KCNK2: variants seen among roughly 807,000 people sequenced by gnomAD.
KCNK2 encodes the protein potassium channel subfamily K member 2.
In KCNK2, 21 loss-of-function variants were observed where a neutral mutation model predicts 40.5. The observed-to-expected ratio is 0.52, with a 90% CI of 0.37 to 0.75. KCNK2 has a LOEUF of 0.75. Among genes scored for constraint, KCNK2 ranks in the 30% least tolerant of loss-of-function variants. KCNK2 has a pLI of 0.00. For missense variants in KCNK2, 399 were observed against 531.6 expected, an observed-to-expected ratio of 0.75 and a Z score of 2.45; for synonymous variants, 191 against 202.2, an observed-to-expected ratio of 0.94 and a Z score of 0.47.
rs563358345 is a variant in KCNK2, at chr1:215,091,701, T to C, written c.357+5023T>C. Among the ~76,000 whole-genome samples, 4 of 152,276 alleles carry C rather than the reference T, an allele frequency of 2.6e-5. No individual in the cohort carries two copies. The South Asian group carries it at 8.3e-4, about 32-fold the overall frequency. On this transcript the variant is annotated intron_variant, in intron 2 of 6. Coordinates refer to ENST00000444842, the MANE Select transcript of KCNK2 (RefSeq NM_001017425.3). ...GAAAAAGTAAAGCAGTGGAGAGGGC[T>C]TGGAAATGTTGGATGGCGTTGGTGA...
chr1:215,156,158 A>T (rs1048585945), intron 3 of KCNK2, among the ~76,000 whole-genome samples: 2 of 152,100 alleles, frequency 1.3e-5, no homozygotes, highest in Non-Finnish European at 2.9e-5. Flanking sequence ...TAGACATTAA[A>T]ATGAACTGTT....
In KCNK2 at chr1:215,144,119, G is replaced by C. The variant is rs558993148; in HGVS notation, c.475+19369G>C. On this transcript the variant is annotated intron_variant, in intron 3 of 6. Transcript: ENST00000444842. ...ATGGCATTACTCTTTTGATGCTGAG[G>C]GTACAGTTTTTAAAAATGTAAACAT... is the stretch of plus-strand genomic sequence containing the variant. Among the ~76,000 whole-genome samples the C allele has an allele frequency of 3.9e-5, 6 of 151,920 alleles. No homozygotes were observed. The South Asian group carries it at 1.2e-3, about 32-fold the overall frequency.
Position 215,063,914 on chromosome 1 carries a change from A to G in KCNK2, c.35-22454A>G, listed in dbSNP as rs188257879. On this transcript the variant is annotated intron_variant, in intron 1 of 6. Coordinates refer to the KCNK2 transcript ENST00000391895. Reference sequence around the variant, plus strand: ...GAAACCAAAATTAACAGCTGGTTAGATTTGTAAAGGTCACAGATAAAGTGT... The same window carrying G: ...GAAACCAAAATTAACAGCTGGTTAGGTTTGTAAAGGTCACAGATAAAGTGT... 2.5e-3 allele frequency among the ~76,000 whole-genome samples: 379 copies of G among 152,308 alleles called. 2 individuals are homozygous for G. Among genetic ancestry groups the G allele is most frequent in the Non-Finnish European group, 4.5e-3 (308 of 68,030 alleles).
intron 2 of KCNK2, among the ~76,000 whole-genome samples, chr1:215,099,158 C>T (rs574886950): frequency 6.6e-6 from 1 of 151,776 alleles, no homozygotes; most frequent in Non-Finnish European, 1.5e-5. Context: ...TGATTCTATC[C>T]CTCAGCCCAT....
In KCNK2 at chr1:215,062,452, C is replaced by T. The variant is rs371759946; in HGVS notation, c.35-23916C>T. 9.9e-4 allele frequency among the ~76,000 whole-genome samples: 151 copies of T among 151,984 alleles called. 5 individuals are homozygous for T. In the South Asian group the frequency reaches 0.031, roughly 31 times the overall value. Reference sequence around the variant, plus strand: ...GTCTACAACATCAGATATTTACACACAGGTGGAACACACTGGGAAAATAAA... The same window carrying T: ...GTCTACAACATCAGATATTTACACATAGGTGGAACACACTGGGAAAATAAA... On this transcript the variant is annotated intron_variant, in intron 1 of 6. Coordinates refer to the KCNK2 transcript ENST00000391895.
At chr1:215,161,644 T>A (rs1571681428) in intron 3 of KCNK2, among the ~76,000 whole-genome samples, 1 of 151,834 alleles carries the variant, frequency 6.6e-6, no homozygotes, top group African/African-American at 2.4e-5. Context: ...GTTCTCACTG[T>A]TCAACTCCCA....
At chr1:215,193,586 A>G (rs1011443351) in intron 5 of KCNK2, among the ~76,000 whole-genome samples, 3 of 152,216 alleles carry the variant, frequency 2.0e-5, no homozygotes, top group African/African-American at 7.2e-5. Context: ...TCTTCTTGCC[A>G]TCTCTGCCCT....
At chr1:215,024,361 GCA>G (rs943647187) in intron 1 of KCNK2, among the ~76,000 whole-genome samples, 8 of 152,166 alleles carry the variant, frequency 5.3e-5, no homozygotes, top group Non-Finnish European at 4.4e-5. Context: ...TACGGTTAGT[GCA>G]CAGTTTTAAG....
intron 6 of KCNK2, among the ~76,000 whole-genome samples, chr1:215,203,434 GCTGAATGCTTA>G (rs1665162962): frequency 6.6e-6 from 1 of 152,058 alleles, no homozygotes; most frequent in Non-Finnish European, 1.5e-5. Flanking sequence ...ATGTGATGTG[GCTGAATGCTTA>G]CTGAATGCTT....
intron 1 of KCNK2, among the ~76,000 whole-genome samples, chr1:215,007,037 A>ATATATATATATGTGTGTGTG (rs1330420661): frequency 1.9e-5 from 1 of 51,602 alleles, no homozygotes; most frequent in African/African-American, 6.2e-5. Flanking sequence ...ATATATATAT[A>ATATATATATATGTGTGTGTG]TGTGTGTGTG....
intron 6 of KCNK2, among the ~76,000 whole-genome samples, chr1:215,203,712 C>G (rs946492405): frequency 6.6e-6 from 1 of 151,858 alleles, no homozygotes; most frequent in African/African-American, 2.4e-5. Flanking sequence ...AACCAGAGAC[C>G]AAAATAGCCT....
At chr1:215,187,735 G>T (rs1049441868) in intron 5 of KCNK2, among the ~76,000 whole-genome samples, 1 of 151,562 alleles carries the variant, frequency 6.6e-6, no homozygotes, top group Non-Finnish European at 1.5e-5. Flanking sequence ...AAGCTGCCCA[G>T]TGAAGTCCTT....
At chr1:215,216,280 T>G (rs964856092) in intron 6 of KCNK2, among the ~76,000 whole-genome samples, 2 of 151,224 alleles carry the variant, frequency 1.3e-5, no homozygotes, top group Admixed American at 6.6e-5. Flanking sequence ...GTAGTCCAGT[T>G]TAAAGATGGT....
intron 1 of KCNK2, among the ~76,000 whole-genome samples, chr1:215,048,494 C>G (rs1016049095): frequency 6.6e-6 from 1 of 152,126 alleles, no homozygotes; most frequent in Non-Finnish European, 1.5e-5. Flanking sequence ...GATCTTATGT[C>G]TTGCTGAGAA....
At chr1:215,179,969 C>T (rs1265878377) in intron 5 of KCNK2, among the ~76,000 whole-genome samples, 2 of 151,948 alleles carry the variant, frequency 1.3e-5, no homozygotes, top group Admixed American at 6.6e-5. Context: ...TGAGGTCCCT[C>T]ACTCTTATTA....
intron 6 of KCNK2, among the ~76,000 whole-genome samples, chr1:215,198,676 T>C (rs541981984): frequency 6.6e-6 from 1 of 152,346 alleles, no homozygotes; most frequent in Admixed American, 6.5e-5. Flanking sequence ...TTCTGGGCGC[T>C]GTTAGTTTTA....
At position 215,053,376 on chromosome 1, in the gene KCNK2, C is replaced by T. The variant is rs536177000; in HGVS notation, c.35-32992C>T. Reference sequence around the variant, plus strand: ...TCAGTCAACTGACAAATGTTTGAGGCTCTGGCGTGGGCTAGGACCCGGGTT... The same window carrying T: ...TCAGTCAACTGACAAATGTTTGAGGTTCTGGCGTGGGCTAGGACCCGGGTT... On this transcript the variant is annotated intron_variant, in intron 1 of 6. Coordinates refer to the KCNK2 transcript ENST00000391895. Among the ~76,000 whole-genome samples the T allele has an allele frequency of 7.9e-5, 12 of 152,244 alleles. No individual in the cohort carries two copies. In the South Asian group the frequency reaches 2.5e-3, roughly 32 times the overall value.
chr1:215,142,719 A>G (rs1662237336), intron 3 of KCNK2, among the ~76,000 whole-genome samples: 1 of 152,094 alleles, frequency 6.6e-6, no homozygotes, highest in Non-Finnish European at 1.5e-5. Context: ...ATTTCAGTCT[A>G]CTTTCTTCTG....
intron 6 of KCNK2, among the ~76,000 whole-genome samples, chr1:215,228,992 G>A (rs985719704): frequency 6.6e-6 from 1 of 151,884 alleles, no homozygotes; most frequent in Admixed American, 6.6e-5. Flanking sequence ...GCTGCATGCA[G>A]CCCAGGATAG....
Sources: gnomAD v4.1 joint callset for allele counts (sites outside exome capture counted in the v4.1 genomes callset) on GRCh38, gnomAD v4.1.1 for gene constraint, MANE v1.5 for transcripts, NCBI Gene and HGNC (gene_info 2026-07-23, HGNC 2026-07-21) for gene names.